The following ZNF621 variants were observed in gnomAD, a reference collection of about 807,000 sequenced individuals.
ZNF621 encodes zinc finger protein 621.
Under a neutral mutation model 12.7 loss-of-function variants are expected in ZNF621, and 6 were observed. That is an observed-to-expected ratio of 0.47 (90% CI 0.26 to 0.93). The LOEUF is 0.93. Among genes scored for constraint, ZNF621 ranks in the 40% least tolerant of loss-of-function variants. The probability of loss-of-function intolerance (pLI) is 0.15; values close to 1 mark genes in which losing one functional copy is unlikely to be tolerated. For missense variants in ZNF621, 474 were observed against 524.0 expected (o/e 0.90, Z 0.93); for synonymous variants, 156 against 190.3 (o/e 0.82, Z 1.48).
upstream of ZNF621, among the ~76,000 whole-genome samples, chr3:40,523,447 G>C (rs563460007): frequency 1.2e-4 from 18 of 152,268 alleles, no homozygotes; most frequent in Admixed American, 3.3e-4. Context: ...GTGTTCAGGA[G>C]AAGTTATCAG....
In ZNF621 at chr3:40,532,263, A is replaced by C; in HGVS notation, c.493A>C (p.Lys165Gln). The C allele has an allele frequency of 6.2e-7, 1 of 1,613,882 alleles. No individual in the cohort carries two copies. ...ECGKIFRYNS[K>Q]LIRHQMSHTG... Reference sequence around the variant, plus strand: ...TGGGAAAATCTTCCGATATAACTCAAAGCTTATTCGGCATCAGATGAGTCA... The same window carrying C: ...TGGGAAAATCTTCCGATATAACTCACAGCTTATTCGGCATCAGATGAGTCA... The change falls in exon 5 of 5, where the codon AAG becomes CAG. Residue 165 changes from lysine to glutamine, a missense_variant. Transcript: ENST00000339296.
At position 40,532,815 on chromosome 3, in the gene ZNF621, A is replaced by G. The variant is rs1294948266; in HGVS notation, c.1045A>G (p.Lys349Glu). 8 of 1,614,074 alleles carry G rather than the reference A, an allele frequency of 5.0e-6. No individual in the cohort carries two copies. Among genetic ancestry groups the G allele is most frequent in the Non-Finnish European group, 5.1e-6 (6 of 1,180,040 alleles). Reference sequence around the variant, plus strand: ...GCACCCTGTGGAGAAGAAGCCAGTCAAGGTCCTTGGGCCATCCCTGGTCAG... The same window carrying G: ...GCACCCTGTGGAGAAGAAGCCAGTCGAGGTCCTTGGGCCATCCCTGGTCAG... ...KLHPVEKKPV[K>E]VLGPSLVSPQ... The change falls in exon 5 of 5, where the codon AAG becomes GAG. Residue 349 changes from lysine (K) to glutamate (E), a missense_variant. Lys to Glu is a moderately conservative substitution (Grantham distance 56). Transcript: ENST00000339296.
chr3:40,532,471 C>T lies in ZNF621; in HGVS notation c.701C>T (p.Pro234Leu). 6.2e-7 allele frequency: 1 copy of T among 1,614,068 alleles called. No individual in the cohort carries two copies. The highest frequency in any genetic ancestry group is 8.5e-7 in the Non-Finnish European group (1 of 1,180,038). The change falls in exon 5 of 5, where the codon CCC (proline) becomes CTC (leucine). Residue 234 changes from proline to leucine, a missense_variant. Pro to Leu is a moderately conservative substitution (Grantham distance 98). Coordinates refer to ENST00000339296, the MANE Select transcript of ZNF621 (RefSeq NM_198484.5). ...CAGAGGATCCACACTGGAGAGAAAC[C>T]CTATGAATGTAAAGAGTGTGGAAAG... ...QHQRIHTGEK[P>L]YECKECGKAF...
chr3:40,526,925 G>A (rs1433357850), intron 2 of ZNF621, among the ~76,000 whole-genome samples: 2 of 151,934 alleles, frequency 1.3e-5, no homozygotes, highest in African/African-American at 2.4e-5. Flanking sequence ...GCGCTATCTC[G>A]GCTCACCGCA....
rs745954541 is a variant in ZNF621, at chr3:40,530,306, C to A, written c.249C>A (p.Gly83=). The A allele has an allele frequency of 3.1e-6, 5 of 1,613,748 alleles. 1 individual carries two copies. In the South Asian group the frequency reaches 5.5e-5, roughly 18 times the overall value. Residue 83 remains glycine, a synonymous_variant, in exon 4 of 5, where the codon GGC becomes GGA. Transcript: ENST00000339296. ...PDPWDTEILR[G]ISQGGESWIK... ...CCTGGGACACCGAGATTCTGAGAGG[C>A]ATCAGTCAAGGTGAGTATGAGAATC...
chr3:40,525,149 C>G lies in ZNF621; in HGVS notation c.-188C>G, dbSNP rs1402608952. 6.6e-6 allele frequency: 1 copy of G among 152,508 alleles called. No homozygotes were observed. The highest frequency in any genetic ancestry group is 1.5e-5 in the Non-Finnish European group (1 of 68,268). 9.4% of individuals were successfully genotyped at this position (152,508 alleles called of 1,614,324 possible). A position where few individuals can be genotyped will look rare whatever the true frequency, so the allele number is the denominator to read the frequency against. On this transcript the variant is annotated 5_prime_UTR_variant, in exon 1 of 5. The change creates a new upstream start codon in the 5' untranslated region. Transcript: ENST00000339296. ...CCTCCTTCACCCGGACCGTGGGCATCTGGGCCTCGCCGAAGCCGTCAAGGT... is the reference window on the plus strand; with the variant it reads ...CCTCCTTCACCCGGACCGTGGGCATGTGGGCCTCGCCGAAGCCGTCAAGGT...
At chr3:40,525,919 C>G in intron 2 of ZNF621, 55 bp downstream of exon 2, 1 of 1,597,346 alleles carries the variant, frequency 6.3e-7, no homozygotes, top group East Asian at 2.2e-5. Context: ...TTTTTACTCA[C>G]ATTAGCTATC....
intron 2 of ZNF621, 83 bp downstream of exon 2, chr3:40,525,947 T>A: frequency 6.5e-7 from 1 of 1,547,500 alleles, no homozygotes; most frequent in Non-Finnish European, 8.8e-7. Flanking sequence ...CAGGAAAGGA[T>A]GAGGAAGGCC....
Position 40,537,168 on chromosome 3 carries a change from A to G in ZNF621, c.*4078A>G, listed in dbSNP as rs1698888296. 1 of 152,246 alleles carries G rather than the reference A, an allele frequency of 6.6e-6. No homozygotes were observed. The highest frequency in any genetic ancestry group is 2.1e-4 in the South Asian group (1 of 4,836). 9.4% of individuals were successfully genotyped at this position (152,246 alleles called of 1,614,324 possible). A position where few individuals can be genotyped will look rare whatever the true frequency, so the allele number is the denominator to read the frequency against. ...CACTTTAAATCAAAAGCTAGAAATG[A>G]TTAAGCTTAGTGAGGAAGGCTAATG... is the stretch of plus-strand genomic sequence containing the variant. On this transcript the variant is annotated 3_prime_UTR_variant, in exon 5 of 5. Transcript: ENST00000339296.
chr3:40,524,160 A>G (rs751187982), upstream of ZNF621, among the ~76,000 whole-genome samples: 70 of 152,348 alleles, frequency 4.6e-4, no homozygotes, highest in Admixed American at 1.5e-3. Flanking sequence ...CTGCAGTCCA[A>G]CTAACAGAAC....
chr3:40,526,540 A>G (rs558821914), intron 2 of ZNF621, among the ~76,000 whole-genome samples: 2 of 152,284 alleles, frequency 1.3e-5, no homozygotes, highest in East Asian at 3.9e-4. Context: ...AGAGACTAGT[A>G]TTGTTGCTTT....
intron 2 of ZNF621, among the ~76,000 whole-genome samples, chr3:40,528,792 T>A (rs1369732120): frequency 6.6e-6 from 1 of 152,210 alleles, no homozygotes; most frequent in Admixed American, 6.5e-5. Context: ...TATCTGTATA[T>A]TTGCTTTGTT....
Position 40,532,941 on chromosome 3 carries a change from C to T in ZNF621, c.1171C>T (p.Leu391Phe). The T allele has an allele frequency of 6.4e-7, 1 of 1,557,694 alleles. No homozygotes were observed. The highest frequency in any genetic ancestry group is 8.7e-7 in the Non-Finnish European group (1 of 1,150,408). Residue 391 changes from leucine to phenylalanine, a missense_variant, in exon 5 of 5, where the codon CTC becomes TTC. Leu to Phe is a conservative substitution (Grantham distance 22). Transcript: ENST00000339296. ...VPSLTFPHAVLIPTSGNFFML... is the reference protein window; with the variant it reads ...VPSLTFPHAVFIPTSGNFFML... The stretch of plus-strand genomic sequence containing the variant: ...TTCACTGACCTTTCCACATGCTGTG[C>T]TCATTCCTACCTCTGGGAATTTTTT...
chr3:40,527,621 T>C (rs1325872534), intron 2 of ZNF621, among the ~76,000 whole-genome samples: 1 of 152,206 alleles, frequency 6.6e-6, no homozygotes, highest in African/African-American at 2.4e-5. Context: ...ACAGCAAAAT[T>C]AAATGGAAGG....
chr3:40,533,165 G>A lies in ZNF621; in HGVS notation c.*75G>A. On this transcript the variant is annotated 3_prime_UTR_variant, in exon 5 of 5. Transcript: ENST00000339296. The stretch of plus-strand genomic sequence containing the variant: ...TAATTTTATATATTTTTTTGAGAAA[G>A]GGTCTTGCTCTGTCACCCAGGCTAG... 6.7e-7 allele frequency: 1 copy of A among 1,491,820 alleles called. No individual in the cohort carries two copies. Among genetic ancestry groups the A allele is most frequent in the Non-Finnish European group, 8.9e-7 (1 of 1,120,564 alleles). 92.4% of individuals were successfully genotyped at this position (1,491,820 alleles called of 1,614,324 possible). A position where few individuals can be genotyped will look rare whatever the true frequency, so the allele number is the denominator to read the frequency against.
chr3:40,532,273 G>T lies in ZNF621; in HGVS notation c.503G>T (p.Arg168Leu). Residue 168 changes from arginine to leucine, a missense_variant, in exon 5 of 5, where the codon CGG (arginine) becomes CTG (leucine). Arg to Leu is a moderately radical substitution (Grantham distance 102). Coordinates refer to ENST00000339296, the MANE Select transcript of ZNF621 (RefSeq NM_198484.5). Reference protein sequence around the residue: ...KIFRYNSKLIRHQMSHTGEKP... With the variant: ...KIFRYNSKLILHQMSHTGEKP... Reference sequence around the variant, plus strand: ...TTCCGATATAACTCAAAGCTTATTCGGCATCAGATGAGTCATACTGGGGAA... The same window carrying T: ...TTCCGATATAACTCAAAGCTTATTCTGCATCAGATGAGTCATACTGGGGAA... 1 of 1,613,512 alleles carries T rather than the reference G, an allele frequency of 6.2e-7. No homozygotes were observed. Among genetic ancestry groups the T allele is most frequent in the African/African-American group, 1.3e-5 (1 of 75,036 alleles).
chr3:40,532,131 G>C lies in ZNF621; in HGVS notation c.361G>C (p.Val121Leu), dbSNP rs530323311. 2 of 1,614,162 alleles carry C rather than the reference G, an allele frequency of 1.2e-6. No homozygotes were observed. The highest frequency in any genetic ancestry group is 1.7e-6 in the Non-Finnish European group (2 of 1,180,032). The stretch of plus-strand genomic sequence containing the variant: ...GCCAGTAGGAGGACTTCTCAGGAAC[G>C]TTTCTCAGCACTTTGATTTTAAAAG... ...RMPVGGLLRN[V>L]SQHFDFKRKA... is the part of the protein sequence containing the mutation. Residue 121 changes from valine to leucine, a missense_variant, in exon 5 of 5, where the codon GTT (valine) becomes CTT (leucine). By Grantham distance (32) the Val-to-Leu change is conservative. Transcript: ENST00000339296.
At chr3:40,529,696 C>T (rs1485576415) in intron 3 of ZNF621, 4 of 956,588 alleles carry the variant, frequency 4.2e-6, no homozygotes, top group Non-Finnish European at 5.9e-6. Flanking sequence ...AGCCATGGCT[C>T]ACTGCAGCCT....
intron 2 of ZNF621, among the ~76,000 whole-genome samples, chr3:40,527,870 T>G (rs1212635347): frequency 6.6e-6 from 1 of 152,240 alleles, no homozygotes; most frequent in Non-Finnish European, 1.5e-5. Context: ...TAGAGCAGTT[T>G]TAGTTGATAA....
Sources: allele counts gnomAD v4.1 joint callset (sites outside exome capture counted in the v4.1 genomes callset), GRCh38; gene constraint gnomAD v4.1.1; transcripts MANE v1.5; gene names NCBI Gene and HGNC (gene_info 2026-07-23, HGNC 2026-07-21).